The following IHO1 variants were observed in gnomAD, a reference collection of about 807,000 sequenced individuals.
The protein encoded by IHO1 is interactor of HORMAD1 protein 1.
In IHO1, 13 loss-of-function variants were observed where a neutral mutation model predicts 31.0. The observed-to-expected ratio is 0.42, with a 90% CI of 0.27 to 0.67. The LOEUF is 0.67. Ranked by LOEUF, IHO1 falls within the 30% of genes least tolerant of loss-of-function variation. IHO1 has a pLI of 0.24. For missense variants in IHO1, 599 were observed against 687.5 expected, an observed-to-expected ratio of 0.87 and a Z score of 1.44; for synonymous variants, 221 against 248.4, an observed-to-expected ratio of 0.89 and a Z score of 1.04.
At chr3:49,246,473 C>T (rs1296421625) in intron 6 of IHO1, among the ~76,000 whole-genome samples, 6 of 151,882 alleles carry the variant, frequency 4.0e-5, no homozygotes, top group South Asian at 4.1e-4. Context: ...GACGAAAGCC[C>T]GTCTCTACTA....
chr3:49,246,952 G>A (rs1394094035), intron 6 of IHO1, among the ~76,000 whole-genome samples: 1 of 150,534 alleles, frequency 6.6e-6, no homozygotes, highest in Admixed American at 6.6e-5. Flanking sequence ...AGGTTCAAGC[G>A]ATTCTCCTGC....
intron 4 of IHO1, among the ~76,000 whole-genome samples, chr3:49,243,963 A>C (rs990604615): frequency 7.9e-6 from 1 of 126,802 alleles, no homozygotes; most frequent in Non-Finnish European, 1.7e-5. Context: ...TTAACTTTTT[A>C]TTTTATTTTG....
intron 1 of IHO1, among the ~76,000 whole-genome samples, chr3:49,208,279 T>C (rs2046166253): frequency 6.6e-6 from 1 of 152,132 alleles, no homozygotes; most frequent in Admixed American, 6.6e-5. Context: ...TACCAGTCAG[T>C]CCATGGCTTG....
intron 2 of IHO1, among the ~76,000 whole-genome samples, chr3:49,218,210 G>A (rs2046312679): frequency 6.6e-6 from 1 of 151,758 alleles, no homozygotes; most frequent in African/African-American, 2.4e-5. Context: ...CAAGCAAGCT[G>A]AGGTGTATCC....
chr3:49,211,778 G>T lies in IHO1; in HGVS notation c.-3G>T. 4 of 1,503,104 alleles carry T rather than the reference G, an allele frequency of 2.7e-6. No individual in the cohort carries two copies. The highest frequency in any genetic ancestry group is 1.1e-5 in the South Asian group (1 of 88,542). The allele number at this position is 1,503,104 out of a possible 1,614,324, so 93.1% of individuals were successfully genotyped here. On this transcript the variant is annotated 5_prime_UTR_variant, in exon 2 of 8. Transcript: ENST00000452691. The stretch of plus-strand genomic sequence containing the variant: ...TTCTTTCTAATAGGTATAACTATAA[G>T]AAATGAATTTTAATGTCTGGAATAT...
chr3:49,220,743 C>A (rs1169685351), intron 2 of IHO1, among the ~76,000 whole-genome samples: 1 of 152,124 alleles, frequency 6.6e-6, no homozygotes, highest in Non-Finnish European at 1.5e-5. Flanking sequence ...TGGTGGGCAC[C>A]TGTAGTTCCA....
upstream of IHO1, among the ~76,000 whole-genome samples, chr3:49,195,911 T>A (rs1025443032): frequency 6.7e-6 from 1 of 149,838 alleles, no homozygotes; most frequent in Non-Finnish European, 1.5e-5. Context: ...CCATCCTGGC[T>A]AACACAGTGA....
chr3:49,220,491 T>C (rs1474283149), intron 2 of IHO1, among the ~76,000 whole-genome samples: 3 of 152,202 alleles, frequency 2.0e-5, no homozygotes, highest in African/African-American at 4.8e-5. Flanking sequence ...GTCTGGAGTT[T>C]CTTCCTTCCA....
chr3:49,238,763 A>G (rs114507891), intron 3 of IHO1, among the ~76,000 whole-genome samples: 2,033 of 152,328 alleles, frequency 0.013, 41 homozygotes, highest in Non-Finnish European at 0.015. Flanking sequence ...AGAAACAGGA[A>G]TTGTAAAACT....
intron 7 of IHO1, 69 bp downstream of exon 7, chr3:49,255,562 T>C: frequency 1.4e-6 from 1 of 709,890 alleles, no homozygotes; most frequent in Non-Finnish European, 2.1e-6. Context: ...GAGAAACTTT[T>C]TTTTTTTTTT....
chr3:49,212,553 G>A (rs2046235453), intron 2 of IHO1, among the ~76,000 whole-genome samples: 2 of 151,934 alleles, frequency 1.3e-5, no homozygotes, highest in Non-Finnish European at 1.5e-5. Context: ...TTCCCATCAG[G>A]TTATAATAAT....
intron 1 of IHO1, among the ~76,000 whole-genome samples, chr3:49,207,908 G>C (rs1171305727): frequency 6.6e-6 from 1 of 151,892 alleles, no homozygotes; most frequent in Non-Finnish European, 1.5e-5. Context: ...TGAGTAGCTG[G>C]GACTACAGGC....
At chr3:49,236,298 G>T (rs1333425338) in intron 2 of IHO1, among the ~76,000 whole-genome samples, 5 of 152,184 alleles carry the variant, frequency 3.3e-5, no homozygotes, top group Admixed American at 3.3e-4. Flanking sequence ...CCAGAATGCT[G>T]TTATACAAAG....
At chr3:49,208,241 G>A (rs1243974284) in intron 1 of IHO1, among the ~76,000 whole-genome samples, 1 of 152,066 alleles carries the variant, frequency 6.6e-6, no homozygotes, top group Non-Finnish European at 1.5e-5. Flanking sequence ...CTAGAACAGG[G>A]GTCTCCAACA....
At chr3:49,197,696 GA>G (rs2046007749), upstream of IHO1, among the ~76,000 whole-genome samples, 1 of 151,764 alleles carries the variant, frequency 6.6e-6, no homozygotes, top group Non-Finnish European at 1.5e-5. Context: ...CCAACATGGA[GA>G]AACCCTGTCT....
chr3:49,228,344 G>T (rs943917609), intron 2 of IHO1: 1 of 448,624 alleles, frequency 2.2e-6, no homozygotes, highest in South Asian at 1.6e-5. Flanking sequence ...AGAGTCAGGG[G>T]TTGTTAGAGA....
rs763008768 is a variant in IHO1 at position 49,201,100 on chromosome 3, TC to T, written c.-16+1528del. Among the ~76,000 whole-genome samples, 18 of 151,658 alleles carry T rather than the reference TC, an allele frequency of 1.2e-4. No individual in the cohort carries two copies. In the East Asian group the frequency reaches 2.6e-3, roughly 22 times the overall value. ...GCTCCGCCTCCCAGGTTCACGCCAT[TC>T]TCCTGCCTCAGCCTCCCAAGTAGCT... On this transcript the variant is annotated intron_variant, in intron 1 of 7. Coordinates refer to ENST00000452691, the MANE Select transcript of IHO1 (RefSeq NM_001135197.2).
intron 1 of IHO1, chr3:49,200,514 A>AGAAAGAAAGAAAGAAAGAAAGAAAG (rs1491154503): frequency 1.1e-6 from 1 of 945,586 alleles, no homozygotes; most frequent in African/African-American, 1.8e-5. Context: ...AAAGAAAGAA[A>AGAAAGAAAGAAAGAAAGAAAGAAAG]GAAAAGAAAA....
At chr3:49,191,967 T>A in the IHO1 span, 1 of 617,236 alleles carries the variant, frequency 1.6e-6, no homozygotes, top group Non-Finnish European at 2.9e-6. Flanking sequence ...AGTTCTTCTC[T>A]GTGAGAAAAA....
Sources: gnomAD v4.1 joint callset for allele counts (sites outside exome capture counted in the v4.1 genomes callset) on GRCh38, gnomAD v4.1.1 for gene constraint, MANE v1.5 for transcripts, NCBI Gene and HGNC (gene_info 2026-07-23, HGNC 2026-07-21) for gene names.